WDR76: variants seen among roughly 807,000 people sequenced by gnomAD.
WDR76 encodes WD repeat domain 76.
A neutral mutation model predicts 70.2 loss-of-function variants in WDR76; 52 were observed. That is an observed-to-expected ratio of 0.74 (90% CI 0.59 to 0.93). The LOEUF (loss-of-function observed/expected upper bound fraction) is 0.93. Among genes scored for constraint, WDR76 ranks in the 40% least tolerant of loss-of-function variants. The pLI, the probability that WDR76 is intolerant of heterozygous loss-of-function variation, is 0.00. For synonymous variants in WDR76, 292 were observed against 271.1 expected (o/e 1.08, Z -0.76); for missense variants, 756 against 760.2 (o/e 0.99, Z 0.07).
chr15:43,851,357 T>C, intron 9 of WDR76, 112 bp downstream of exon 9: 1 of 1,411,346 alleles, frequency 7.1e-7, no homozygotes, highest in East Asian at 2.3e-5. Context: ...AGAAGGACTT[T>C]GAGAACTACG....
intron 4 of WDR76, among the ~76,000 whole-genome samples, 194 bp from the exon 5 acceptor site, chr15:43,839,411 C>T (rs917998890): frequency 2.6e-5 from 4 of 152,294 alleles, no homozygotes; most frequent in Non-Finnish European, 5.9e-5. Flanking sequence ...TAACAGACCT[C>T]ACCTCTTTTT....
intron 9 of WDR76, among the ~76,000 whole-genome samples, chr15:43,855,888 T>C (rs1436213125): frequency 6.6e-6 from 1 of 151,742 alleles, no homozygotes; most frequent in Non-Finnish European, 1.5e-5. Context: ...ATATTTACAG[T>C]AAATCAGATA....
At chr15:43,832,717 A>AT (rs1271345456) in intron 2 of WDR76, among the ~76,000 whole-genome samples, 1 of 141,918 alleles carries the variant, frequency 7.0e-6, no homozygotes, top group Non-Finnish European at 1.5e-5. Context: ...GATTACAGGC[A>AT]TGAGCCATTG....
At chr15:43,843,726 G>C (rs749810331) in intron 7 of WDR76, among the ~76,000 whole-genome samples, 175 bp from the exon 8 acceptor site, 1 of 152,082 alleles carries the variant, frequency 6.6e-6, no homozygotes, top group South Asian at 2.1e-4. Context: ...AAATTATCAA[G>C]GGTAATTTAA....
rs1281189112 is a variant in WDR76, at chr15:43,828,329, A to G, written c.425A>G (p.Gln142Arg). ...CTCAGTGTTGATGTGGAAAGTAGTCAGGATGGAGACAGTGATGAAGATACC... is the reference window on the plus strand; with the variant it reads ...CTCAGTGTTGATGTGGAAAGTAGTCGGGATGGAGACAGTGATGAAGATACC... ...MNLSVDVESS[Q>R]DGDSDEDTTP... The change falls in exon 2 of 13, where the codon CAG becomes CGG. Residue 142 changes from glutamine (Q) to arginine (R), a missense_variant. Coordinates refer to ENST00000263795, the MANE Select transcript of WDR76 (RefSeq NM_024908.4). The G allele has an allele frequency of 8.7e-6, 14 of 1,613,940 alleles. No individual in the cohort carries two copies. Among genetic ancestry groups the G allele is most frequent in the Non-Finnish European group, 1.1e-5 (13 of 1,180,030 alleles).
chr15:43,858,538 A>C, intron 10 of WDR76, 133 bp from the exon 11 acceptor site: 1 of 1,178,730 alleles, frequency 8.5e-7, no homozygotes, highest in South Asian at 1.6e-5. Context: ...GAGCCACCGC[A>C]CCTGGCTGAG....
chr15:43,831,833 A>AT (rs2087593471), intron 2 of WDR76, among the ~76,000 whole-genome samples: 1 of 151,120 alleles, frequency 6.6e-6, no homozygotes, highest in African/African-American at 2.4e-5. Flanking sequence ...TATCAGAGAA[A>AT]TTTTTTTGTT....
chr15:43,857,087 A>G lies in WDR76; in HGVS notation c.1333A>G (p.Ser445Gly). The change falls in exon 10 of 13, where the codon AGT becomes GGT. Residue 445 changes from serine to glycine, a missense_variant. Coordinates refer to ENST00000263795, the MANE Select transcript of WDR76 (RefSeq NM_024908.4). ...TGGAACTTCTTATGAGAAACTTACCAGTTCTTCTATGGGAAAAATAAGAAC... is the reference window on the plus strand; with the variant it reads ...TGGAACTTCTTATGAGAAACTTACCGGTTCTTCTATGGGAAAAATAAGAAC... ...TPGTSYEKLT[S>G]SSMGKIRTVH... 6.2e-7 allele frequency: 1 copy of G among 1,614,122 alleles called. No individual in the cohort carries two copies. Among genetic ancestry groups the G allele is most frequent in the Non-Finnish European group, 8.5e-7 (1 of 1,180,004 alleles).
rs774479553 is a variant in WDR76 at position 43,828,328 on chromosome 15, C to G, written c.424C>G (p.Gln142Glu). 1.2e-6 allele frequency: 2 copies of G among 1,613,862 alleles called. No individual in the cohort carries two copies. Among genetic ancestry groups the G allele is most frequent in the Admixed American group, 3.3e-5 (2 of 59,986 alleles). The change falls in exon 2 of 13, where the codon CAG becomes GAG. Residue 142 changes from glutamine to glutamate, a missense_variant. By Grantham distance (29) the Gln-to-Glu change is conservative. Transcript: ENST00000263795. ...MNLSVDVESS[Q>E]DGDSDEDTTP... The stretch of plus-strand genomic sequence containing the variant: ...TCTCAGTGTTGATGTGGAAAGTAGT[C>G]AGGATGGAGACAGTGATGAAGATAC...
intron 8 of WDR76, among the ~76,000 whole-genome samples, chr15:43,848,484 A>C (rs891901964): frequency 6.6e-6 from 1 of 152,168 alleles, no homozygotes; most frequent in Admixed American, 6.5e-5. Flanking sequence ...CCTCTTTTCA[A>C]TGAGGAATGG....
intron 2 of WDR76, among the ~76,000 whole-genome samples, chr15:43,828,651 T>C (rs1456570404): frequency 6.6e-6 from 1 of 152,208 alleles, no homozygotes; most frequent in Non-Finnish European, 1.5e-5. Context: ...TTGGGTTTAG[T>C]CATACTTTAT....
intron 8 of WDR76, 120 bp from the exon 9 acceptor site, chr15:43,850,967 A>G: frequency 7.8e-7 from 1 of 1,283,938 alleles, no homozygotes; most frequent in Non-Finnish European, 1.1e-6. Flanking sequence ...TTACAATTAT[A>G]GACTAAGAAA....
chr15:43,861,143 T>A (rs1009254978), intron 11 of WDR76, among the ~76,000 whole-genome samples, 190 bp from the exon 12 acceptor site: 7 of 152,078 alleles, frequency 4.6e-5, no homozygotes, highest in Admixed American at 4.6e-4. Flanking sequence ...GGTCTCAAAC[T>A]CTTGGCCTCA....
chr15:43,838,965 T>G (rs1295903702), intron 4 of WDR76, among the ~76,000 whole-genome samples: 1 of 152,192 alleles, frequency 6.6e-6, no homozygotes, highest in Non-Finnish European at 1.5e-5. Flanking sequence ...ATTCTCGAAG[T>G]AATGTGGACT....
At chr15:43,830,366 C>T (rs970293948) in intron 2 of WDR76, among the ~76,000 whole-genome samples, 3 of 151,844 alleles carry the variant, frequency 2.0e-5, no homozygotes, top group African/African-American at 7.3e-5. Flanking sequence ...AGTTTGAGAC[C>T]AGCCTGACCA....
intron 8 of WDR76, among the ~76,000 whole-genome samples, chr15:43,850,827 T>C (rs1020241911): frequency 1.5e-4 from 23 of 152,322 alleles, no homozygotes; most frequent in African/African-American, 4.6e-4. Flanking sequence ...GACAGTAATA[T>C]ATAAACTATT....
chr15:43,831,066 A>T (rs1567181474), intron 2 of WDR76, among the ~76,000 whole-genome samples: 1 of 151,638 alleles, frequency 6.6e-6, no homozygotes, highest in East Asian at 1.9e-4. Flanking sequence ...CACCAAAAAA[A>T]AAGAAAATAT....
At chr15:43,856,275 T>A (rs1203233885) in intron 9 of WDR76, among the ~76,000 whole-genome samples, 1 of 152,118 alleles carries the variant, frequency 6.6e-6, no homozygotes, top group Non-Finnish European at 1.5e-5. Context: ...AATTACTGGG[T>A]CAAAAAGTAT....
chr15:43,840,392 A>C (rs570320655), intron 5 of WDR76, among the ~76,000 whole-genome samples: 84 of 152,322 alleles, frequency 5.5e-4, no homozygotes, highest in Middle Eastern at 3.4e-3. Flanking sequence ...AATCATATCT[A>C]TAAAGTTTCT....
Sources: allele counts gnomAD v4.1 joint callset (sites outside exome capture counted in the v4.1 genomes callset), GRCh38; gene constraint gnomAD v4.1.1; transcripts MANE v1.5; gene names NCBI Gene and HGNC (gene_info 2026-07-23, HGNC 2026-07-21).